Variants in NDOR1 observed in about 807,000 individuals in gnomAD.
NDOR1 encodes NADPH dependent diflavin oxidoreductase 1.
Under a neutral mutation model 67.2 loss-of-function variants are expected in NDOR1, and 61 were observed. That is an observed-to-expected ratio of 0.91 (90% confidence interval 0.74 to 1.12). The LOEUF is 1.12. NDOR1 is among the 50% of genes most tolerant of loss of function. The pLI is 0.00. For synonymous variants in NDOR1, 378 were observed against 343.7 expected, an observed-to-expected ratio of 1.10 and a Z score of -1.10; for missense variants, 878 against 802.8, an observed-to-expected ratio of 1.09 and a Z score of -1.13.
At chr9:137,216,038 G>A (rs373997518) in intron 12 of NDOR1, 21 bp downstream of exon 12, 116 of 1,613,394 alleles carry the variant, frequency 7.2e-5, no homozygotes, top group Non-Finnish European at 9.3e-5. Context: ...TCAGGGGCTG[G>A]GAAAGGAGGG....
rs1835614048 is a variant in NDOR1 at position 137,216,499 on chromosome 9, A to G, written c.*83A>G. 1 of 1,509,242 alleles carries G rather than the reference A, an allele frequency of 6.6e-7. No homozygotes were observed. The highest frequency in any genetic ancestry group is 1.2e-5 in the South Asian group (1 of 80,180). The allele number at this position is 1,509,242 out of a possible 1,614,324, so 93.5% of individuals were successfully genotyped here. A position where few individuals can be genotyped will look rare whatever the true frequency, so the allele number is the denominator to read the frequency against. On this transcript the variant is annotated 3_prime_UTR_variant, in exon 14 of 14. Coordinates refer to ENST00000684003, the MANE Select transcript of NDOR1 (RefSeq NM_014434.4). ...ATCCACGAGGGAGCTCCTGGCCAGC[A>G]GCCGTCATCCTCTCGGACCAGCCAG...
At position 137,216,125 on chromosome 9, in the gene NDOR1, G is replaced by C. The variant is rs773564600; in HGVS notation, c.1586G>C (p.Arg529Pro). ...AAAGTATATGTGCAGCACCGGCTCC[G>C]GGAGCTGGGGTCGCTTGTGTGGGAA... ...EQKVYVQHRL[R>P]ELGSLVWELL... The change falls in exon 13 of 14, where the codon CGG becomes CCG. Residue 529 changes from arginine (R) to proline (P), a missense_variant. Physicochemically the swap from Arg to Pro is moderately radical, Grantham distance 103. Coordinates refer to ENST00000684003, the MANE Select transcript of NDOR1 (RefSeq NM_014434.4). 3.7e-6 allele frequency: 6 copies of C among 1,613,576 alleles called. No homozygotes were observed. Among genetic ancestry groups the C allele is most frequent in the Non-Finnish European group, 5.1e-6 (6 of 1,180,012 alleles).
intron 11 of NDOR1, 25 bp downstream of exon 11, chr9:137,215,830 G>C (rs780642612): frequency 6.2e-7 from 1 of 1,605,638 alleles, no homozygotes; most frequent in South Asian, 1.1e-5. Flanking sequence ...TCTCCGGGCA[G>C]GGTTGTTGCC....
rs73563702 is a variant in NDOR1, at chr9:137,218,102, C to T, written c.*1686C>T. 0.13 allele frequency: 50,290 copies of T among 398,730 alleles called. 3,427 individuals are homozygous for T. The highest frequency in any genetic ancestry group is 0.21 in the Middle Eastern group (342 of 1,592). 24.7% of individuals were successfully genotyped at this position (398,730 alleles called of 1,614,324 possible). A position where few individuals can be genotyped will look rare whatever the true frequency, so the allele number is the denominator to read the frequency against. On this transcript the variant is annotated 3_prime_UTR_variant, in exon 14 of 14. Transcript: ENST00000684003. ...CCCGATCTGCACAGAGCCCTACGGG[C>T]CCAGAGAGCGCCGCCTGGCCCTGCT...
At chr9:137,215,357 C>A in intron 9 of NDOR1, 50 bp from the exon 10 acceptor site, 1 of 1,586,152 alleles carries the variant, frequency 6.3e-7, no homozygotes, top group Non-Finnish European at 8.6e-7. Context: ...GGCCCAGGCA[C>A]AGGTGAGGGC....
At position 137,214,606 on chromosome 9, in the gene NDOR1, C is replaced by G. The variant is rs1455894962; in HGVS notation, c.759C>G (p.Ser253=). The G allele has an allele frequency of 1.2e-6, 2 of 1,611,052 alleles. No homozygotes were observed. Among genetic ancestry groups the G allele is most frequent in the Non-Finnish European group, 1.7e-6 (2 of 1,179,938 alleles). The part of the protein sequence containing the change: ...AAGDVVLIQP[S]NSAAHVQRFC... ...GTGATGTGGTGCTGATTCAGCCCTC[C>G]AACTCGGCTGCCCATGTCCAGCGGT... is the stretch of plus-strand genomic sequence containing the variant. The change falls in exon 7 of 14, where the codon TCC becomes TCG. Residue 253 remains serine (S), a synonymous_variant. Coordinates refer to ENST00000684003, the MANE Select transcript of NDOR1 (RefSeq NM_014434.4).
chr9:137,215,412 C>T lies in NDOR1; in HGVS notation c.1179C>T (p.His393=), dbSNP rs1418892107. ...CACCCCGCCGTCCTCCCCAGACTCA[C>T]CCCTCACGGCTGCAGATCCTCGTGG... is the stretch of plus-strand genomic sequence containing the variant. ...AFSIASSLLT[H]PSRLQILVAV... The change falls in exon 10 of 14, where the codon CAC becomes CAT. Residue 393 remains histidine, a synonymous_variant. Coordinates refer to ENST00000684003, the MANE Select transcript of NDOR1 (RefSeq NM_014434.4). 2.5e-6 allele frequency: 4 copies of T among 1,611,536 alleles called. No homozygotes were observed. Among genetic ancestry groups the T allele is most frequent in the Middle Eastern group, 1.7e-4 (1 of 6,042 alleles).
intron 10 of NDOR1, 68 bp downstream of exon 10, chr9:137,215,589 C>T (rs1246759507): frequency 2.5e-6 from 4 of 1,606,922 alleles, no homozygotes; most frequent in Admixed American, 3.4e-5. Context: ...CATGCAAATG[C>T]TGGGCTAGGG....
At chr9:137,214,147 G>A in intron 5 of NDOR1, 57 bp from the exon 6 acceptor site, 5 of 1,548,890 alleles carry the variant, frequency 3.2e-6, no homozygotes, top group Non-Finnish European at 3.5e-6. Context: ...TCCCTCCCGT[G>A]TGGGTGGGCG....
Position 137,214,795 on chromosome 9 carries a change from C to A in NDOR1, c.845-3C>A. 6.2e-7 allele frequency: 1 copy of A among 1,601,326 alleles called. No individual in the cohort carries two copies. On this transcript the variant is annotated splice_region_variant and splice_polypyrimidine_tract_variant and intron_variant, in intron 7 of 13. Transcript: ENST00000684003. ...CCACGGAGGCCTCCCACTCACCCTG[C>A]AGATGTCTCCTCCCCCACGAGGCTG...
At position 137,217,828 on chromosome 9, in the gene NDOR1, C is replaced by T. The variant is rs1835700983; in HGVS notation, c.*1412C>T. The T allele has an allele frequency of 2.5e-6, 1 of 397,314 alleles. No individual in the cohort carries two copies. 24.6% of individuals were successfully genotyped at this position (397,314 alleles called of 1,614,324 possible). On this transcript the variant is annotated 3_prime_UTR_variant, in exon 14 of 14. Coordinates refer to ENST00000684003, the MANE Select transcript of NDOR1 (RefSeq NM_014434.4). ...CTGAACTGTGCCCTGGGGCCCCCAC[C>T]CTCCACCTGGCCGACTCCAGCTCTG...
Position 137,215,724 on chromosome 9 carries a change from C to A in NDOR1, c.1354C>A (p.Pro452Thr), listed in dbSNP as rs779104868. ...GGCCTTCCCAGAGACACCAGACACA[C>A]CTGTGATCATGGTGGGGCCTGGCAC... The part of the protein sequence containing the change: ...SLAFPETPDT[P>T]VIMVGPGTGV... The change falls in exon 11 of 14, where the codon CCT (proline) becomes ACT (threonine). Residue 452 changes from proline (P) to threonine (T), a missense_variant. By Grantham distance (38) the Pro-to-Thr change is conservative. Coordinates refer to ENST00000684003, the MANE Select transcript of NDOR1 (RefSeq NM_014434.4). 6.2e-6 allele frequency: 10 copies of A among 1,602,574 alleles called. No individual in the cohort carries two copies. The highest frequency in any genetic ancestry group is 8.5e-6 in the Non-Finnish European group (10 of 1,173,502).
Position 137,214,698 on chromosome 9 carries a change from C to A in NDOR1, c.844+7C>A. The A allele has an allele frequency of 6.2e-7, 1 of 1,601,350 alleles. No individual in the cohort carries two copies. The highest frequency in any genetic ancestry group is 1.1e-5 in the South Asian group (1 of 91,034). On this transcript the variant is annotated splice_region_variant and intron_variant, in intron 7 of 13. Coordinates refer to ENST00000684003, the MANE Select transcript of NDOR1 (RefSeq NM_014434.4). ...CTGCAGCCGCGGGAGCCAGGTGAGC[C>A]CAGCCTCGGCCACCCTGACTCTCTG...
chr9:137,206,454 G>C, intron 2 of NDOR1, 145 bp downstream of exon 2: 1 of 844,252 alleles, frequency 1.2e-6, no homozygotes, highest in South Asian at 1.5e-5. Context: ...CGTGAGTGGG[G>C]CTGGGGGCTC....
chr9:137,211,531 T>G (rs1835255120), intron 2 of NDOR1, among the ~76,000 whole-genome samples: 1 of 152,048 alleles, frequency 6.6e-6, no homozygotes, highest in Non-Finnish European at 1.5e-5. Flanking sequence ...CAGAACCCTT[T>G]TCTCGGGAAG....
At position 137,215,137 on chromosome 9, in the gene NDOR1, G is replaced by A. The variant is rs138384572; in HGVS notation, c.1108G>A (p.Asp370Asn). 3.5e-5 allele frequency: 57 copies of A among 1,613,676 alleles called. No homozygotes were observed. The highest frequency in any genetic ancestry group is 3.3e-4 in the Middle Eastern group (2 of 6,062). Residue 370 changes from aspartate (D) to asparagine (N), a missense_variant, in exon 9 of 14, where the codon GAC becomes AAC. Asp to Asn is a conservative substitution (Grantham distance 23). Coordinates refer to ENST00000684003, the MANE Select transcript of NDOR1 (RefSeq NM_014434.4). ...FPHTAAAIPP[D>N]YLLDLIPVIR... ...GCACACAGCTGCCGCCATCCCTCCC[G>A]ACTACCTGTTGGACCTCATCCCCGT...
rs1300917757 is a variant in NDOR1 at position 137,217,295 on chromosome 9, G to A, written c.*879G>A. Among the ~76,000 whole-genome samples, 1 of 152,186 alleles carries A rather than the reference G, an allele frequency of 6.6e-6. No individual in the cohort carries two copies. Among genetic ancestry groups the A allele is most frequent in the Non-Finnish European group, 1.5e-5 (1 of 68,036 alleles). ...CTGCCTCGTTCTTAAGGGCATAGTG[G>A]GTCGGCTAAGATCTGATCGCCAGGA... On this transcript the variant is annotated 3_prime_UTR_variant, in exon 14 of 14. Transcript: ENST00000684003.
chr9:137,210,615 G>A (rs1835207437), intron 2 of NDOR1, among the ~76,000 whole-genome samples: 1 of 152,132 alleles, frequency 6.6e-6, no homozygotes, highest in African/African-American at 2.4e-5. Context: ...CCAAGGTGTG[G>A]GAGGATCGCT....
In NDOR1 at chr9:137,218,371, C is replaced by T. The variant is rs1835733054; in HGVS notation, c.*1955C>T. The T allele has an allele frequency of 2.5e-6, 1 of 398,346 alleles. No homozygotes were observed. The allele number at this position is 398,346 out of a possible 1,614,324, so 24.7% of individuals were successfully genotyped here. ...CCTGGGGCTCCCTGGAGCACCGCTACCAGCTGCGCTTCCTGGCAGGGCCCG... is the reference window on the plus strand; with the variant it reads ...CCTGGGGCTCCCTGGAGCACCGCTATCAGCTGCGCTTCCTGGCAGGGCCCG... On this transcript the variant is annotated 3_prime_UTR_variant, in exon 14 of 14. Coordinates refer to ENST00000684003, the MANE Select transcript of NDOR1 (RefSeq NM_014434.4).
Sources: allele counts gnomAD v4.1 joint callset (sites outside exome capture counted in the v4.1 genomes callset), GRCh38; gene constraint gnomAD v4.1.1; transcripts MANE v1.5; gene names NCBI Gene and HGNC (gene_info 2026-07-23, HGNC 2026-07-21).